HMGXB4: variants seen among roughly 807,000 people sequenced by gnomAD.
HMGXB4 encodes HMG domain-containing protein 4.
Under a neutral mutation model 63.9 loss-of-function variants are expected in HMGXB4, and 27 were observed. The ratio of observed to expected loss-of-function variants is 0.42; its 90% confidence interval spans 0.31 to 0.58. HMGXB4 has a LOEUF of 0.58. HMGXB4 is among the 20% of genes least tolerant of loss of function. The probability of loss-of-function intolerance (pLI) is 0.13; values close to 1 mark genes in which losing one functional copy is unlikely to be tolerated. For synonymous variants in HMGXB4, 264 were observed against 265.3 expected (o/e 0.99, Z 0.05); for missense variants, 624 against 700.7 (o/e 0.89, Z 1.24).
chr22:35,282,890 G>A lies in HMGXB4; in HGVS notation c.1216-1072G>A, dbSNP rs78463083. On this transcript the variant is annotated intron_variant, in intron 5 of 10. Coordinates refer to ENST00000216106, the MANE Select transcript of HMGXB4 (RefSeq NM_001003681.3). ...ACTTAACTTTTTCCCCTTAGACCAC[G>A]TATAATTGTGAAATGGAATGCATAG... 1.3e-3 allele frequency among the ~76,000 whole-genome samples: 191 copies of A among 152,274 alleles called. 1 individual carries two copies. Among genetic ancestry groups the A allele is most frequent in the African/African-American group, 4.4e-3 (183 of 41,548 alleles).
chr22:35,269,063 A>C (rs944874485), intron 5 of HMGXB4, among the ~76,000 whole-genome samples: 1 of 152,202 alleles, frequency 6.6e-6, no homozygotes. Flanking sequence ...AAAGACTATA[A>C]GGGAAGACTG....
intron 4 of HMGXB4, 159 bp downstream of exon 4, chr22:35,264,033 G>C: frequency 6.5e-7 from 1 of 1,549,784 alleles, no homozygotes; most frequent in Non-Finnish European, 8.7e-7. Flanking sequence ...GGAGGAGAGA[G>C]GTGGAGGGCT....
chr22:35,255,745 A>G (rs1323675906), upstream of HMGXB4, among the ~76,000 whole-genome samples: 1 of 152,246 alleles, frequency 6.6e-6, no homozygotes, highest in Admixed American at 6.5e-5. Context: ...GGGGAAACAC[A>G]TGGAAATGGG....
In HMGXB4 at chr22:35,283,093, A is replaced by G. The variant is rs529298869; in HGVS notation, c.1216-869A>G. The stretch of plus-strand genomic sequence containing the variant: ...GAAGGCGTTGCATCTGACAGTGACT[A>G]CCAAAGAATTGTCTTCAGTTATTTG... On this transcript the variant is annotated intron_variant, in intron 5 of 10. Transcript: ENST00000216106. 1.9e-3 allele frequency among the ~76,000 whole-genome samples: 295 copies of G among 152,382 alleles called. 2 individuals are homozygous for G. Among genetic ancestry groups the G allele is most frequent in the African/African-American group, 6.9e-3 (288 of 41,592 alleles).
intron 5 of HMGXB4, among the ~76,000 whole-genome samples, chr22:35,268,329 A>G (rs901176124): frequency 4.6e-5 from 7 of 151,944 alleles, no homozygotes; most frequent in African/African-American, 1.7e-4. Context: ...CCCTCCAACT[A>G]TTTCTGCACA....
chr22:35,263,750 A>G (rs1601625368), intron 3 of HMGXB4, 46 bp from the exon 4 acceptor site: 1 of 1,338,344 alleles, frequency 7.5e-7, no homozygotes. Flanking sequence ...TACAAACTGC[A>G]TTTGCCTCAT....
At chr22:35,275,755 T>TGATAC (rs1923877654) in intron 5 of HMGXB4, among the ~76,000 whole-genome samples, 1 of 152,186 alleles carries the variant, frequency 6.6e-6, no homozygotes, top group African/African-American at 2.4e-5. Flanking sequence ...AGAAGTTACT[T>TGATAC]TTTGAATATT....
chr22:35,260,622 T>C (rs1265248487), intron 1 of HMGXB4, among the ~76,000 whole-genome samples: 1 of 152,246 alleles, frequency 6.6e-6, no homozygotes, highest in Non-Finnish European at 1.5e-5. Flanking sequence ...AGTTCTCCAA[T>C]TGAACTTTAA....
At position 35,261,360 on chromosome 22, in the gene HMGXB4, C is replaced by T. The variant is rs538384808; in HGVS notation, c.-68-963C>T. Among the ~76,000 whole-genome samples, 114 of 150,044 alleles carry T rather than the reference C, an allele frequency of 7.6e-4. 2 individuals are homozygous for T. In the South Asian group the frequency reaches 0.023, roughly 30 times the overall value. On this transcript the variant is annotated intron_variant, in intron 1 of 10. Transcript: ENST00000216106. ...CTGAGGCAGGAGAATCGCTTGAACC[C>T]GGGAGGCGGAGGTTGCAGTGAACCA...
At position 35,263,143 on chromosome 22, in the gene HMGXB4, A is replaced by T; in HGVS notation, c.97A>T (p.Lys33Ter). The T allele has an allele frequency of 6.2e-7, 1 of 1,614,108 alleles. No homozygotes were observed. Among genetic ancestry groups the T allele is most frequent in the Non-Finnish European group, 8.5e-7 (1 of 1,179,990 alleles). The change falls in exon 3 of 11, where the codon AAA becomes TAA. Residue 33 changes from lysine to a stop codon, truncating the protein, a stop_gained. Coordinates refer to ENST00000216106, the MANE Select transcript of HMGXB4 (RefSeq NM_001003681.3). LOFTEE classifies it high-confidence loss of function. The stretch of plus-strand genomic sequence containing the variant: ...TGCAGCTGGCCGAAGCCAACGAGAG[A>T]AAAAACGTTCTTACAAAGATTTTTT... ...GLAAGRSQRE[K>*]KRSYKDFLRE...
chr22:35,242,626 CT>C, the HMGXB4 span, among the ~76,000 whole-genome samples: 2 of 152,056 alleles, frequency 1.3e-5, no homozygotes, highest in Non-Finnish European at 2.9e-5. Context: ...TCCAGCTTCA[CT>C]GATTTTGCCT....
intron 3 of HMGXB4, 41 bp downstream of exon 3, chr22:35,263,267 T>C: frequency 6.8e-7 from 1 of 1,461,870 alleles, no homozygotes. Context: ...CTTAAACTAC[T>C]CATTTTTTTT....
At chr22:35,280,625 C>A (rs1035319715) in intron 5 of HMGXB4, among the ~76,000 whole-genome samples, 1 of 152,178 alleles carries the variant, frequency 6.6e-6, no homozygotes, top group Non-Finnish European at 1.5e-5. Flanking sequence ...TTAAGTGTAA[C>A]CCTGACTATA....
chr22:35,258,414 A>T (rs1922603170), intron 1 of HMGXB4: 1 of 152,152 alleles, frequency 6.6e-6, no homozygotes, highest in Admixed American at 6.5e-5. Context: ...TCCCAAATAA[A>T]GCCTGTTGAT....
At chr22:35,263,016 G>A (rs1922958646) in intron 2 of HMGXB4, 62 bp from the exon 3 acceptor site, 73 of 1,479,994 alleles carry the variant, frequency 4.9e-5, no homozygotes, top group Non-Finnish European at 6.7e-5. Flanking sequence ...CCTGCATGAC[G>A]ATTTGGTCAT....
chr22:35,287,609 A>C (rs1012801335), intron 8 of HMGXB4, among the ~76,000 whole-genome samples, 157 bp downstream of exon 8: 1 of 152,204 alleles, frequency 6.6e-6, no homozygotes, highest in Non-Finnish European at 1.5e-5. Context: ...GAGATGTTCA[A>C]ATTTAGAAAA....
In HMGXB4 at chr22:35,288,542, G is replaced by A. The variant is rs990925729; in HGVS notation, c.1638+135G>A. 11 of 509,268 alleles carry A rather than the reference G, an allele frequency of 2.2e-5. 1 individual carries two copies. The highest frequency in any genetic ancestry group is 1.2e-4 in the African/African-American group (6 of 50,904). 31.5% of individuals were successfully genotyped at this position (509,268 alleles called of 1,614,324 possible). A position where few individuals can be genotyped will look rare whatever the true frequency, so the allele number is the denominator to read the frequency against. On this transcript the variant is annotated intron_variant, in intron 9 of 10. Coordinates refer to ENST00000216106, the MANE Select transcript of HMGXB4 (RefSeq NM_001003681.3). ...AATTATGCCAGGTTCTCAGGATGGC[G>A]TAACATAGAAGATATAATGATAATA... is the stretch of plus-strand genomic sequence containing the variant.
Position 35,295,641 on chromosome 22 carries a change from T to C in HMGXB4, c.*1990T>C, listed in dbSNP as rs1273270053. ...ATCTGTACCTTGTGGTATTTGGTAC[T>C]ATTAGAGGAAAAACTTTGGATTCAG... On this transcript the variant is annotated 3_prime_UTR_variant, in exon 11 of 11. Coordinates refer to ENST00000216106, the MANE Select transcript of HMGXB4 (RefSeq NM_001003681.3). 1 of 152,670 alleles carries C rather than the reference T, an allele frequency of 6.6e-6. No individual in the cohort carries two copies. 9.5% of individuals were successfully genotyped at this position (152,670 alleles called of 1,614,324 possible). A position where few individuals can be genotyped will look rare whatever the true frequency, so the allele number is the denominator to read the frequency against.
the HMGXB4 span, among the ~76,000 whole-genome samples, chr22:35,245,716 G>C: frequency 6.6e-6 from 1 of 152,156 alleles, no homozygotes; most frequent in Non-Finnish European, 1.5e-5. Flanking sequence ...GCAAAGAGGG[G>C]TTTGCCGCCT....
Sources: allele counts gnomAD v4.1 joint callset (sites outside exome capture counted in the v4.1 genomes callset), GRCh38; gene constraint gnomAD v4.1.1; transcripts MANE v1.5; gene names NCBI Gene and HGNC (gene_info 2026-07-23, HGNC 2026-07-21).